The following WDR70 variants were observed in gnomAD, a reference collection of about 807,000 sequenced individuals.
The protein encoded by WDR70 is WD repeat-containing protein 70.
WDR70 carries 53 observed loss-of-function variants against 88.6 expected under a neutral mutation model. The observed-to-expected ratio is 0.60, with a 90% CI of 0.48 to 0.75. The LOEUF (loss-of-function observed/expected upper bound fraction) is 0.75, where lower values mean the gene tolerates loss of function less well. Ranked by LOEUF, WDR70 falls within the 30% of genes least tolerant of loss-of-function variation. WDR70 has a pLI of 0.00. For missense variants in WDR70, 610 were observed against 823.2 expected, an observed-to-expected ratio of 0.74 and a Z score of 3.17; for synonymous variants, 280 against 270.0, an observed-to-expected ratio of 1.04 and a Z score of -0.36.
At chr5:37,656,187 A>G (rs988300938) in intron 10 of WDR70, among the ~76,000 whole-genome samples, 3 of 152,110 alleles carry the variant, frequency 2.0e-5, no homozygotes, top group African/African-American at 4.8e-5. Context: ...TTTCCTTTGA[A>G]TAGTCAGGCC....
intron 10 of WDR70, among the ~76,000 whole-genome samples, chr5:37,686,841 G>C (rs1353884042): frequency 6.6e-6 from 1 of 150,762 alleles, no homozygotes; most frequent in East Asian, 1.9e-4. Flanking sequence ...GTGAATATTT[G>C]AGTCTTGATA....
intron 8 of WDR70, among the ~76,000 whole-genome samples, chr5:37,486,117 A>G (rs528610853): frequency 6.6e-6 from 1 of 151,978 alleles, no homozygotes; most frequent in African/African-American, 2.4e-5. Flanking sequence ...TTATTTGTTC[A>G]TGGAACTTTC....
chr5:37,655,869 C>T (rs1412283565), intron 10 of WDR70, among the ~76,000 whole-genome samples: 1 of 151,940 alleles, frequency 6.6e-6, no homozygotes, highest in Non-Finnish European at 1.5e-5. Flanking sequence ...AGTTTCCTTG[C>T]ATTGGGTTAG....
At chr5:37,468,346 A>G (rs185549391) in intron 7 of WDR70, among the ~76,000 whole-genome samples, 45 of 152,318 alleles carry the variant, frequency 3.0e-4, no homozygotes, top group Admixed American at 2.7e-3. Context: ...AAAATAATCT[A>G]TAATCTATTT....
At chr5:37,467,718 T>C (rs1409386545) in intron 7 of WDR70, among the ~76,000 whole-genome samples, 2 of 149,364 alleles carry the variant, frequency 1.3e-5, no homozygotes, top group Non-Finnish European at 3.0e-5. Context: ...TATTTTATTT[T>C]ATTTTATTTT....
intron 10 of WDR70, among the ~76,000 whole-genome samples, chr5:37,651,315 G>C (rs1004603644): frequency 1.3e-5 from 2 of 152,156 alleles, no homozygotes; most frequent in African/African-American, 4.8e-5. Flanking sequence ...TGGCTGCATA[G>C]TATTCTGTGA....
At chr5:37,596,405 C>T (rs1413259964) in intron 9 of WDR70, among the ~76,000 whole-genome samples, 1 of 152,164 alleles carries the variant, frequency 6.6e-6, no homozygotes, top group East Asian at 1.9e-4. Context: ...TTTCTAGCTT[C>T]TCTTGCAGTT....
intron 10 of WDR70, among the ~76,000 whole-genome samples, chr5:37,615,013 T>G (rs1744294363): frequency 6.6e-6 from 1 of 151,784 alleles, no homozygotes; most frequent in African/African-American, 2.4e-5. Flanking sequence ...ACCAAAAAAT[T>G]TGAATGTTAA....
At chr5:37,567,996 T>C (rs1742792215) in intron 9 of WDR70, among the ~76,000 whole-genome samples, 1 of 152,218 alleles carries the variant, frequency 6.6e-6, no homozygotes, top group Admixed American at 6.5e-5. Context: ...GGTTTCTATT[T>C]ACCTATTCAA....
At chr5:37,688,136 T>C (rs1746669043) in intron 10 of WDR70, 1 of 414,504 alleles carries the variant, frequency 2.4e-6, no homozygotes, top group African/African-American at 2.0e-5. Context: ...GATCAGTTAA[T>C]TGAATGATAA....
In WDR70 at chr5:37,752,676, G is replaced by A; in HGVS notation, c.*103G>A. On this transcript the variant is annotated 3_prime_UTR_variant, in exon 18 of 18. Transcript: ENST00000265107. ...ATTAAAAATTCATTTTTATGAACAG[G>A]TTTTGTCCTTTGCATTATTGAACTG... 1.1e-6 allele frequency: 1 copy of A among 883,708 alleles called. No individual in the cohort carries two copies. 54.7% of individuals were successfully genotyped at this position (883,708 alleles called of 1,614,324 possible).
Position 37,647,381 on chromosome 5 carries a change from G to C in WDR70, c.1092+42143G>C, listed in dbSNP as rs146901516. On this transcript the variant is annotated intron_variant, in intron 10 of 17. Coordinates refer to ENST00000265107, the MANE Select transcript of WDR70 (RefSeq NM_018034.4). ...GCATTGTTCCCTGGTGCCTTACTTA[G>C]TTTGTTTGGTAAGGCAATGTTTTCC... Among the ~76,000 whole-genome samples, 64 of 152,250 alleles carry C rather than the reference G, an allele frequency of 4.2e-4. 1 individual carries two copies. Among genetic ancestry groups the C allele is most frequent in the African/African-American group, 1.5e-3 (63 of 41,542 alleles).
At chr5:37,719,844 CTT>C (rs55870531) in intron 13 of WDR70, among the ~76,000 whole-genome samples, 105,256 of 140,894 alleles carry the variant, frequency 0.75, 39,891 homozygotes, top group East Asian at 0.89. Context: ...TTCTTTCTTT[CTT>C]TTTTTTTTTT....
intron 8 of WDR70, among the ~76,000 whole-genome samples, chr5:37,515,068 A>G (rs2112253756): frequency 6.6e-6 from 1 of 152,182 alleles, no homozygotes; most frequent in East Asian, 1.9e-4. Flanking sequence ...CAAACCTGTT[A>G]CAGTACATAT....
chr5:37,569,169 A>G (rs984513914), intron 9 of WDR70, among the ~76,000 whole-genome samples: 2 of 152,202 alleles, frequency 1.3e-5, no homozygotes, highest in African/African-American at 4.8e-5. Flanking sequence ...CATAGCCAAA[A>G]TGAAAGTTCT....
chr5:37,417,050 A>C (rs1048496341), intron 5 of WDR70, among the ~76,000 whole-genome samples: 1 of 113,060 alleles, frequency 8.8e-6, no homozygotes, highest in Non-Finnish European at 1.8e-5. Flanking sequence ...TTGCTCAACA[A>C]ATATTTTGTG....
At chr5:37,586,381 C>G (rs1743364788) in intron 9 of WDR70, among the ~76,000 whole-genome samples, 1 of 152,142 alleles carries the variant, frequency 6.6e-6, no homozygotes, top group African/African-American at 2.4e-5. Context: ...TACTTAACAT[C>G]TCTTTGGAAT....
At chr5:37,495,454 C>T (rs1229181513) in intron 8 of WDR70, among the ~76,000 whole-genome samples, 3 of 151,950 alleles carry the variant, frequency 2.0e-5, no homozygotes, top group Non-Finnish European at 2.9e-5. Context: ...CTCTCTCTCT[C>T]TCTCTCTCTC....
chr5:37,696,068 G>A (rs183397831), intron 10 of WDR70, among the ~76,000 whole-genome samples: 11 of 152,132 alleles, frequency 7.2e-5, no homozygotes, highest in Admixed American at 4.6e-4. Flanking sequence ...AGCACTTGTC[G>A]CTCTGTGTGC....
Sources: gnomAD v4.1 joint callset for allele counts (sites outside exome capture counted in the v4.1 genomes callset) on GRCh38, gnomAD v4.1.1 for gene constraint, MANE v1.5 for transcripts, NCBI Gene and HGNC (gene_info 2026-07-23, HGNC 2026-07-21) for gene names.